INF2: variants seen among roughly 807,000 people sequenced by gnomAD.
INF2 encodes the protein inverted formin-2.
In INF2, 43 loss-of-function variants were observed where a neutral mutation model predicts 123.5. The observed-to-expected ratio is 0.35, with a 90% confidence interval of 0.27 to 0.45. The LOEUF is 0.45. Among genes scored for constraint, INF2 ranks in the 20% least tolerant of loss-of-function variants. INF2 has a pLI of 1.00. For synonymous variants in INF2, 851 were observed against 745.0 expected, an observed-to-expected ratio of 1.14 and a Z score of -2.32; for missense variants, 1,453 against 1,682.7, an observed-to-expected ratio of 0.86 and a Z score of 2.39.
At chr14:104,689,539 G>A (rs1457540526), upstream of INF2, 14 of 387,398 alleles carry the variant, frequency 3.6e-5, no homozygotes, top group Admixed American at 2.7e-3. Context: ...CCCCCGGCCC[G>A]CGCTCGCTCC....
In INF2 at chr14:104,718,937, T is replaced by C; in HGVS notation, c.*144T>C. ...TCCGTGCCTTACCCAGCCGGGGCCC[T>C]CCTGGAGCCTTCTTGGGGTGTTGTG... On this transcript the variant is annotated 3_prime_UTR_variant, in exon 23 of 23. Transcript: ENST00000392634. 1.4e-6 allele frequency: 2 copies of C among 1,456,514 alleles called. No individual in the cohort carries two copies. Among genetic ancestry groups the C allele is most frequent in the Non-Finnish European group, 1.8e-6 (2 of 1,109,638 alleles). The allele number at this position is 1,456,514 out of a possible 1,614,324, so 90.2% of individuals were successfully genotyped here.
chr14:104,701,231 A>G (rs1889471669), intron 1 of INF2, 126 bp from the exon 2 acceptor site: 2 of 1,104,586 alleles, frequency 1.8e-6, no homozygotes, highest in Non-Finnish European at 2.6e-6. Context: ...AACCCTCAGC[A>G]TGGCACGTGA....
At position 104,713,220 on chromosome 14, in the gene INF2, G is replaced by T; in HGVS notation, c.2789G>T (p.Arg930Leu). Residue 930 changes from arginine to leucine, a missense_variant, in exon 19 of 23, where the codon CGG (arginine) becomes CTG (leucine). Arg to Leu is a moderately radical substitution (Grantham distance 102). Transcript: ENST00000392634. ...CTGCCAGTGCAGGAGAACAAGGACCGGAAGGAGCAGGCGGCGAAGGCAGAG... is the reference window on the plus strand; with the variant it reads ...CTGCCAGTGCAGGAGAACAAGGACCTGAAGGAGCAGGCGGCGAAGGCAGAG... Reference protein sequence around the residue: ...FLRALKENKDRKEQAAKAERR... With the variant: ...FLRALKENKDLKEQAAKAERR... 2 of 1,555,494 alleles carry T rather than the reference G, an allele frequency of 1.3e-6. No individual in the cohort carries two copies. The highest frequency in any genetic ancestry group is 2.4e-5 in the East Asian group (1 of 41,392).
chr14:104,701,106 G>T (rs1346333856), intron 1 of INF2, among the ~76,000 whole-genome samples: 1 of 152,034 alleles, frequency 6.6e-6, no homozygotes, highest in African/African-American at 2.4e-5. Context: ...CCTGAGCCTC[G>T]GGGTCCTCAT....
In INF2 at chr14:104,707,355, A is replaced by T. The variant is rs1889827622; in HGVS notation, c.1088A>T (p.Asn363Ile). 6.3e-7 allele frequency: 1 copy of T among 1,598,324 alleles called. No homozygotes were observed. Among genetic ancestry groups the T allele is most frequent in the African/African-American group, 1.3e-5 (1 of 74,386 alleles). Reference sequence around the variant, plus strand: ...AAGGCCCATAAAAGCGTCCAGGCCAACCTAGACCAGAGCCAGAGGGGCAGC... The same window carrying T: ...AAGGCCCATAAAAGCGTCCAGGCCATCCTAGACCAGAGCCAGAGGGGCAGC... ...LVKAHKSVQANLDQSQRGSSP... is the reference protein window; with the variant it reads ...LVKAHKSVQAILDQSQRGSSP... The change falls in exon 8 of 23, where the codon AAC becomes ATC. Residue 363 changes from asparagine (N) to isoleucine (I), a missense_variant. Coordinates refer to ENST00000392634, the MANE Select transcript of INF2 (RefSeq NM_022489.4).
At chr14:104,698,502 A>C (rs1183397129) in intron 1 of INF2, among the ~76,000 whole-genome samples, 1 of 152,172 alleles carries the variant, frequency 6.6e-6, no homozygotes, top group Non-Finnish European at 1.5e-5. Context: ...TTTTATAGAC[A>C]CAGGGAAGGC....
chr14:104,714,527 C>T lies in INF2; in HGVS notation c.3365C>T (p.Pro1122Leu), dbSNP rs1422015907. The T allele has an allele frequency of 6.2e-7, 1 of 1,612,836 alleles. No individual in the cohort carries two copies. Among genetic ancestry groups the T allele is most frequent in the Non-Finnish European group, 8.5e-7 (1 of 1,179,882 alleles). The change falls in exon 21 of 23, where the codon CCT becomes CTT. Residue 1122 changes from proline to leucine, a missense_variant. This residue lies in a region of INF2 where 344 missense variants were observed against 333.1 expected (regional missense o/e 1.03). Transcript: ENST00000392634. Reference protein sequence around the residue: ...KPLKFSSNQPPAAGSSRQDAK... With the variant: ...KPLKFSSNQPLAAGSSRQDAK... ...CTCAAGTTCTCCAGCAACCAGCCCC[C>T]TGCAGCCGGAAGTTCAAGGCAAGAT...
chr14:104,714,640 G>A lies in INF2; in HGVS notation c.3478G>A (p.Gly1160Ser), dbSNP rs9672065. The A allele has an allele frequency of 3.9e-3, 6,246 of 1,612,556 alleles. 150 individuals are homozygous for A. In the African/African-American group the frequency reaches 0.063, roughly 16 times the overall value. The change falls in exon 21 of 23, where the codon GGT becomes AGT. Residue 1160 changes from glycine to serine, a missense_variant. Around this residue, in one of 8 missense-constraint regions of INF2, gnomAD observed 344 missense variants for 333.1 expected, o/e 1.03. Transcript: ENST00000392634. ...EGLEDAVHSR[G>S]ARPPAAGPGG... The stretch of plus-strand genomic sequence containing the variant: ...GCTGGAGGACGCTGTCCACAGCCGT[G>A]GTGCCAGACCCCCTGCAGCAGGCCC...
At chr14:104,698,887 G>T (rs949780431) in intron 1 of INF2, among the ~76,000 whole-genome samples, 3 of 152,208 alleles carry the variant, frequency 2.0e-5, no homozygotes, top group African/African-American at 4.8e-5. Context: ...GACAGCACCC[G>T]GTGGGACACG....
At chr14:104,712,310 C>A in intron 16 of INF2, 123 bp from the exon 17 acceptor site, 1 of 1,314,098 alleles carries the variant, frequency 7.6e-7, no homozygotes, top group Non-Finnish European at 1.1e-6. Flanking sequence ...GCACGTGCAG[C>A]CTCAGAGTAC....
chr14:104,713,392 C>T, intron 19 of INF2, 53 bp from the exon 20 acceptor site: 1 of 1,583,660 alleles, frequency 6.3e-7, no homozygotes, highest in Non-Finnish European at 8.6e-7. Flanking sequence ...CCCCAGCCCT[C>T]TAGGTGGGCT....
At chr14:104,697,500 G>A (rs1889244175) in intron 1 of INF2, among the ~76,000 whole-genome samples, 1 of 152,258 alleles carries the variant, frequency 6.6e-6, no homozygotes, top group South Asian at 2.1e-4. Context: ...ATGGCTGCAG[G>A]TCTAGTGAAG....
intron 2 of INF2, among the ~76,000 whole-genome samples, chr14:104,702,450 G>A (rs529877068): frequency 1.2e-4 from 18 of 147,852 alleles, no homozygotes; most frequent in Admixed American, 4.6e-4. Context: ...AGTTAGTCCC[G>A]GTCCCTTGAG....
intron 1 of INF2, 141 bp from the exon 2 acceptor site, chr14:104,701,216 C>A: frequency 1.0e-6 from 1 of 985,496 alleles, no homozygotes; most frequent in South Asian, 1.6e-5. Flanking sequence ...CACAGTGCTA[C>A]CCCTAACCCT....
At chr14:104,698,124 C>A (rs952061101) in intron 1 of INF2, among the ~76,000 whole-genome samples, 1 of 152,234 alleles carries the variant, frequency 6.6e-6, no homozygotes, top group Non-Finnish European at 1.5e-5. Flanking sequence ...CACATTCCTG[C>A]GCTGGTGGCC....
chr14:104,708,485 GGAGCCC>G lies in INF2; in HGVS notation c.1788_1793del (p.Glu596_Pro597del). 6.2e-7 allele frequency: 1 copy of G among 1,612,508 alleles called. No homozygotes were observed. Among genetic ancestry groups the G allele is most frequent in the Non-Finnish European group, 8.5e-7 (1 of 1,179,810 alleles). On this transcript the variant is annotated inframe_deletion, in exon 9 of 23. Transcript: ENST00000392634. ...TGAGCAGCCCCGACGCCGAGGCTGTGGAGCCCGACTTCTCCAGCATCGAGCGACTAT... is the reference window on the plus strand; with the variant it reads ...TGAGCAGCCCCGACGCCGAGGCTGTGGACTTCTCCAGCATCGAGCGACTAT...
rs374697429 is a variant in INF2, at chr14:104,712,453, G to A, written c.2510G>A (p.Arg837His). Reference protein sequence around the residue: ...QAAGINLEIIRSEASSNLKKL... With the variant: ...QAAGINLEIIHSEASSNLKKL... ...TTCAGGATCAACCTGGAGATCATCC[G>A]CTCAGAGGCCAGCTCCAACCTGAAG... The change falls in exon 17 of 23, where the codon CGC becomes CAC. Residue 837 changes from arginine to histidine, a missense_variant. Physicochemically the swap from Arg to His is conservative, Grantham distance 29. Around this residue, in one of 8 missense-constraint regions of INF2, gnomAD observed 212 missense variants for 266.2 expected, o/e 0.80. Coordinates refer to ENST00000392634, the MANE Select transcript of INF2 (RefSeq NM_022489.4). 64 of 1,612,474 alleles carry A rather than the reference G, an allele frequency of 4.0e-5. No individual in the cohort carries two copies. Among genetic ancestry groups the A allele is most frequent in the South Asian group, 7.7e-5 (7 of 91,072 alleles).
chr14:104,715,805 C>A (rs186500031), intron 22 of INF2: 1 of 465,206 alleles, frequency 2.1e-6, no homozygotes, highest in Non-Finnish European at 4.3e-6. Flanking sequence ...GTGTCAATGG[C>A]GTGGGGCCTT....
At chr14:104,685,214 C>T (rs1337557081), upstream of INF2, among the ~76,000 whole-genome samples, 1 of 152,178 alleles carries the variant, frequency 6.6e-6, no homozygotes, top group Non-Finnish European at 1.5e-5. Context: ...GACTGCCCCA[C>T]CCACCGTCCC....
Sources: gnomAD v4.1 joint callset for allele counts (sites outside exome capture counted in the v4.1 genomes callset) on GRCh38, gnomAD v4.1.1 for gene constraint, gnomAD v4.1.1 regional missense constraint, MANE v1.5 for transcripts, NCBI Gene and HGNC (gene_info 2026-07-23, HGNC 2026-07-21) for gene names.